The following ZNF320 variants were observed in gnomAD, a reference collection of about 807,000 sequenced individuals.
The protein encoded by ZNF320 is zinc finger protein 320, also known as zinc finger gene 320.
Under a neutral mutation model 6.8 loss-of-function variants are expected in ZNF320, and 2 were observed. The observed-to-expected ratio is 0.29, with a 90% CI of 0.12 to 0.93. The LOEUF (loss-of-function observed/expected upper bound fraction) is 0.93, where lower values mean the gene tolerates loss of function less well. Among genes scored for constraint, ZNF320 ranks in the 40% least tolerant of loss-of-function variants. The probability of loss-of-function intolerance (pLI) is 0.55; values close to 1 mark genes in which losing one functional copy is unlikely to be tolerated. For missense variants in ZNF320, 472 were observed against 611.0 expected, an observed-to-expected ratio of 0.77 and a Z score of 2.40; for synonymous variants, 208 against 203.2, an observed-to-expected ratio of 1.02 and a Z score of -0.20.
In ZNF320 at chr19:52,880,514, A is replaced by C; in HGVS notation, c.*82T>G. On this transcript the variant is annotated 3_prime_UTR_variant, in exon 6 of 6. Transcript: ENST00000682928. ...CCACGCCTGGCCCAATCCTCTTAAC[A>C]TAAACAGTTTAATGTCGATTAATGC... 7.1e-7 allele frequency: 1 copy of C among 1,409,588 alleles called. No individual in the cohort carries two copies. Among genetic ancestry groups the C allele is most frequent in the Non-Finnish European group, 9.7e-7 (1 of 1,031,292 alleles). The allele number at this position is 1,409,588 out of a possible 1,614,324, so 87.3% of individuals were successfully genotyped here.
At chr19:52,884,226 A>G (rs561605023) in intron 5 of ZNF320, among the ~76,000 whole-genome samples, 44 of 152,258 alleles carry the variant, frequency 2.9e-4, no homozygotes, top group African/African-American at 1.0e-3. Flanking sequence ...TAAGCTTCCC[A>G]GTTTAAGCTA....
At chr19:52,883,039 AT>A (rs2063971070) in intron 5 of ZNF320, among the ~76,000 whole-genome samples, 1 of 151,760 alleles carries the variant, frequency 6.6e-6, no homozygotes, top group Non-Finnish European at 1.5e-5. Flanking sequence ...TAAAAAAAAA[AT>A]TTTGTATTTT....
chr19:52,890,152 G>C, intron 4 of ZNF320, 89 bp downstream of exon 4: 1 of 1,552,600 alleles, frequency 6.4e-7, no homozygotes, highest in Non-Finnish European at 8.8e-7. Context: ...CAGGCAGGAT[G>C]CTTCAGACTA....
At chr19:52,886,249 C>A (rs1363196785) in intron 5 of ZNF320, among the ~76,000 whole-genome samples, 1 of 152,076 alleles carries the variant, frequency 6.6e-6, no homozygotes, top group Non-Finnish European at 1.5e-5. Context: ...ACTCTCCTGC[C>A]TGAGCCTCCT....
the ZNF320 span, among the ~76,000 whole-genome samples, chr19:52,903,796 C>T: frequency 2.8e-3 from 425 of 152,174 alleles, 4 homozygotes; most frequent in African/African-American, 7.9e-3. Flanking sequence ...GCACTTTTAC[C>T]GTTTATACCA....
the ZNF320 span, among the ~76,000 whole-genome samples, chr19:52,903,984 A>G: frequency 7.9e-5 from 12 of 152,290 alleles, no homozygotes; most frequent in South Asian, 1.5e-3. Flanking sequence ...AGTTCCAAAG[A>G]CTAGTCTTAC....
At chr19:52,889,547 G>A (rs1314628310) in intron 4 of ZNF320, among the ~76,000 whole-genome samples, 1 of 152,110 alleles carries the variant, frequency 6.6e-6, no homozygotes, top group African/African-American at 2.4e-5. Context: ...GAGAAAAATT[G>A]TAACCAGTTT....
intron 5 of ZNF320, among the ~76,000 whole-genome samples, chr19:52,885,739 A>C (rs559755231): frequency 6.6e-6 from 1 of 151,626 alleles, no homozygotes; most frequent in Non-Finnish European, 1.5e-5. Context: ...AAATAAATAA[A>C]ACAATAAAAA....
In ZNF320 at chr19:52,867,359, A is replaced by G. The variant is rs185783437; in HGVS notation, c.224-3200T>C. 5.3e-3 allele frequency among the ~76,000 whole-genome samples: 804 copies of G among 151,656 alleles called. 9 individuals are homozygous for G. Among genetic ancestry groups the G allele is most frequent in the African/African-American group, 0.017 (686 of 41,328 alleles). ...ATTACCGGTACGTGCCACCACCCCC[A>G]GCTAATATTTGTATTTTTAGTATAG... is the stretch of plus-strand genomic sequence containing the variant. On this transcript the variant is annotated intron_variant, in intron 5 of 5. Coordinates refer to the ZNF320 transcript ENST00000673631.
At chr19:52,886,006 G>A (rs546289291) in intron 5 of ZNF320, among the ~76,000 whole-genome samples, 13 of 152,048 alleles carry the variant, frequency 8.5e-5, no homozygotes, top group African/African-American at 3.1e-4. Context: ...TATTAAAAAT[G>A]AAAATGTATG....
chr19:52,886,016 GA>G lies in ZNF320; in HGVS notation c.142+2110del, dbSNP rs576523771. Among the ~76,000 whole-genome samples, 493 of 151,950 alleles carry G rather than the reference GA, an allele frequency of 3.2e-3. 3 individuals carry two copies. The highest frequency in any genetic ancestry group is 0.011 in the African/African-American group (450 of 41,470). Reference sequence around the variant, plus strand: ...CATATTATTAAAAATGAAAATGTATGAAAAAACACTGTACATATATGTTAAC... The same window carrying G: ...CATATTATTAAAAATGAAAATGTATGAAAAACACTGTACATATATGTTAAC... On this transcript the variant is annotated intron_variant, in intron 5 of 5. Coordinates refer to ENST00000682928, the MANE Select transcript of ZNF320 (RefSeq NM_001351774.2).
Position 52,865,303 on chromosome 19 carries a change from G to C in ZNF320, c.224-1144C>G, listed in dbSNP as rs114078856. The stretch of plus-strand genomic sequence containing the variant: ...TGCTACTGGACTCCAGACTGGGTGA[G>C]AAGAACGGTACCCCATTTCAAATAT... On this transcript the variant is annotated intron_variant, in intron 5 of 5. Transcript: ENST00000673631. The C allele has an allele frequency of 3.4e-3, 885 of 257,816 alleles. 10 individuals are homozygous for C. The highest frequency in any genetic ancestry group is 0.019 in the African/African-American group (791 of 42,338). 16.0% of individuals were successfully genotyped at this position (257,816 alleles called of 1,614,324 possible).
At chr19:52,890,877 G>A (rs1331233742) in intron 3 of ZNF320, among the ~76,000 whole-genome samples, 2 of 151,704 alleles carry the variant, frequency 1.3e-5, no homozygotes, top group Middle Eastern at 3.4e-3. Flanking sequence ...TGGGCCGGGC[G>A]CGGTGGCTCA....
At chr19:52,869,962 C>G (rs929888929) in intron 5 of ZNF320, among the ~76,000 whole-genome samples, 1 of 151,376 alleles carries the variant, frequency 6.6e-6, no homozygotes, top group African/African-American at 2.4e-5. Context: ...GTGATCCACC[C>G]GCCTCAGCCT....
At chr19:52,871,242 C>A (rs1330841737), downstream of ZNF320, among the ~76,000 whole-genome samples, 2 of 152,126 alleles carry the variant, frequency 1.3e-5, no homozygotes, top group Non-Finnish European at 2.9e-5. Context: ...TGATTGAGCC[C>A]AGGAGTTTCA....
intron 5 of ZNF320, among the ~76,000 whole-genome samples, chr19:52,887,010 A>AG (rs1483917673): frequency 0.3 from 23,857 of 78,348 alleles, 2,455 homozygotes; most frequent in South Asian, 0.38. Flanking sequence ...AGGAAGGAAA[A>AG]GAAAAAACAA....
chr19:52,870,213 G>A (rs1239810378), intron 5 of ZNF320, among the ~76,000 whole-genome samples: 1 of 151,560 alleles, frequency 6.6e-6, no homozygotes, highest in Non-Finnish European at 1.5e-5. Flanking sequence ...AGGTGCGGTG[G>A]CTCACACCTG....
chr19:52,867,159 G>GT (rs2063590333), intron 5 of ZNF320, among the ~76,000 whole-genome samples: 2 of 151,948 alleles, frequency 1.3e-5, no homozygotes, highest in African/African-American at 4.8e-5. Context: ...CAAAAGCCAT[G>GT]TTTGGATTTA....
chr19:52,871,852 A>G (rs1042312881), downstream of ZNF320, among the ~76,000 whole-genome samples: 3 of 152,210 alleles, frequency 2.0e-5, no homozygotes, highest in African/African-American at 7.2e-5. Context: ...TCTGCAGAGA[A>G]TATTATGGAC....
Sources: allele counts gnomAD v4.1 joint callset (sites outside exome capture counted in the v4.1 genomes callset), GRCh38; gene constraint gnomAD v4.1.1; transcripts MANE v1.5; gene names NCBI Gene and HGNC (gene_info 2026-07-23, HGNC 2026-07-21).